The following GDAP1 variants were observed in gnomAD, a reference collection of about 807,000 sequenced individuals.
The protein encoded by GDAP1 is ganglioside induced differentiation associated protein 1.
GDAP1 carries 34 observed loss-of-function variants against 40.1 expected under a neutral mutation model. That is an observed-to-expected ratio of 0.85 (90% confidence interval 0.64 to 1.13). The LOEUF is 1.13. GDAP1 is among the 50% of genes most tolerant of loss of function. The pLI, the probability that GDAP1 is intolerant of heterozygous loss-of-function variation, is 0.00. For missense variants in GDAP1, 374 were observed against 433.7 expected (o/e 0.86, Z 1.22); for synonymous variants, 170 against 157.4 (o/e 1.08, Z -0.60).
At position 74,360,160 on chromosome 8, in the gene GDAP1, G is replaced by C. The variant is rs1317998401; in HGVS notation, c.334G>C (p.Asp112His). 1.2e-6 allele frequency: 2 copies of C among 1,613,470 alleles called. No individual in the cohort carries two copies. The highest frequency in any genetic ancestry group is 2.2e-5 in the South Asian group (2 of 91,062). Residue 112 changes from aspartate to histidine, a missense_variant, in exon 3 of 6, where the codon GAT becomes CAT. By Grantham distance (81) the Asp-to-His change is moderately conservative. Coordinates refer to ENST00000220822, the MANE Select transcript of GDAP1 (RefSeq NM_018972.4). ...AGAAAGAACACCCAGGTTAATGCCT[G>C]ATAAAGAAAGCATGTATTACCCACG... ...LDERTPRLMP[D>H]KESMYYPRVQ...
At chr8:74,466,846 T>C (rs938121909) in intron 2 of GDAP1, among the ~76,000 whole-genome samples, 61 of 151,870 alleles carry the variant, frequency 4.0e-4, no homozygotes, top group Non-Finnish European at 5.9e-4. Context: ...TCCAAGGGAG[T>C]TGGCTATAGA....
chr8:74,398,588 G>T (rs901065847), intron 2 of GDAP1, among the ~76,000 whole-genome samples: 1 of 152,128 alleles, frequency 6.6e-6, no homozygotes, highest in African/African-American at 2.4e-5. Flanking sequence ...ACACTATGTT[G>T]AATAGGAGTG....
At chr8:74,427,306 A>G (rs958136066) in intron 2 of GDAP1, among the ~76,000 whole-genome samples, 1 of 152,162 alleles carries the variant, frequency 6.6e-6, no homozygotes, top group African/African-American at 2.4e-5. Context: ...CAGCATAGAA[A>G]ATGCTCAGCT....
intron 2 of GDAP1, among the ~76,000 whole-genome samples, chr8:74,480,196 G>T (rs1490447172): frequency 6.6e-6 from 1 of 151,962 alleles, no homozygotes; most frequent in Non-Finnish European, 1.5e-5. Context: ...CACCATGTGA[G>T]CCAGGATGGT....
chr8:74,373,389 G>T (rs542174750), intron 2 of GDAP1, among the ~76,000 whole-genome samples: 1 of 152,304 alleles, frequency 6.6e-6, no homozygotes, highest in Non-Finnish European at 1.5e-5. Context: ...CTATCGATGA[G>T]CATGGAATGT....
At chr8:74,470,235 C>A (rs998480354) in intron 2 of GDAP1, among the ~76,000 whole-genome samples, 4 of 151,706 alleles carry the variant, frequency 2.6e-5, no homozygotes, top group Non-Finnish European at 5.9e-5. Flanking sequence ...TCCTCTGTTT[C>A]CTCTCTCCTT....
chr8:74,487,902 A>G (rs1806795706), intron 2 of GDAP1, among the ~76,000 whole-genome samples: 1 of 152,166 alleles, frequency 6.6e-6, no homozygotes, highest in Non-Finnish European at 1.5e-5. Flanking sequence ...GGACATTTCT[A>G]AGAAGTTACA....
intron 2 of GDAP1, among the ~76,000 whole-genome samples, chr8:74,354,146 A>G (rs1372051417): frequency 6.6e-6 from 1 of 152,188 alleles, no homozygotes; most frequent in Non-Finnish European, 1.5e-5. Flanking sequence ...TAGATTTCTC[A>G]TACCAGATTA....
intron 2 of GDAP1, among the ~76,000 whole-genome samples, chr8:74,458,179 G>C (rs1806359229): frequency 6.6e-6 from 1 of 151,734 alleles, no homozygotes; most frequent in Non-Finnish European, 1.5e-5. Context: ...TTATTGAGAT[G>C]GTGAATTCAA....
downstream of GDAP1, among the ~76,000 whole-genome samples, chr8:74,369,543 T>C (rs1809712925): frequency 6.6e-6 from 1 of 152,050 alleles, no homozygotes; most frequent in Non-Finnish European, 1.5e-5. Flanking sequence ...CTCAGGAACA[T>C]GTGGAAAATA....
intron 2 of GDAP1, among the ~76,000 whole-genome samples, chr8:74,395,662 G>T (rs1003689146): frequency 3.3e-5 from 5 of 152,146 alleles, no homozygotes; most frequent in African/African-American, 1.2e-4. Context: ...TGTCTGCAAT[G>T]CTGTGGAAAA....
chr8:74,468,984 G>T (rs550985639), intron 2 of GDAP1, among the ~76,000 whole-genome samples: 1 of 152,144 alleles, frequency 6.6e-6, no homozygotes, highest in East Asian at 1.9e-4. Flanking sequence ...GAATGATTTT[G>T]AATTTTGTCT....
At chr8:74,416,749 G>T (rs890670106) in intron 2 of GDAP1, among the ~76,000 whole-genome samples, 1 of 149,560 alleles carries the variant, frequency 6.7e-6, no homozygotes, top group Non-Finnish European at 1.5e-5. Flanking sequence ...TGGGCAGCTA[G>T]ACCCACAGGA....
intron 2 of GDAP1, among the ~76,000 whole-genome samples, chr8:74,375,805 A>G (rs1388990913): frequency 6.6e-6 from 1 of 152,236 alleles, no homozygotes; most frequent in African/African-American, 2.4e-5. Flanking sequence ...ACTAAAAGAA[A>G]TAAAAGGTAT....
intron 2 of GDAP1, among the ~76,000 whole-genome samples, chr8:74,375,113 G>A (rs1331865708): frequency 6.6e-6 from 1 of 152,114 alleles, no homozygotes; most frequent in Non-Finnish European, 1.5e-5. Flanking sequence ...GATCACTTGA[G>A]GTTAGGAGTT....
chr8:74,393,351 C>G (rs570843338), intron 2 of GDAP1, among the ~76,000 whole-genome samples: 6 of 152,246 alleles, frequency 3.9e-5, no homozygotes, highest in Non-Finnish European at 8.8e-5. Flanking sequence ...TCACTGTTTT[C>G]CTCTTCTTTT....
At chr8:74,470,911 AC>A (rs1249624529) in intron 2 of GDAP1, among the ~76,000 whole-genome samples, 1 of 151,990 alleles carries the variant, frequency 6.6e-6, no homozygotes, top group Non-Finnish European at 1.5e-5. Context: ...CCTCTCCAGC[AC>A]CTGTTTCCTG....
chr8:74,372,993 A>C (rs187847815), intron 2 of GDAP1, among the ~76,000 whole-genome samples: 2,285 of 152,304 alleles, frequency 0.015, 43 homozygotes, highest in African/African-American at 0.051. Context: ...ATGGCTAGCC[A>C]GTTTTCCCAG....
intron 2 of GDAP1, among the ~76,000 whole-genome samples, chr8:74,470,889 G>A (rs972989901): frequency 9.9e-5 from 15 of 152,232 alleles, no homozygotes; most frequent in African/African-American, 3.4e-4. Flanking sequence ...AAGTGTTCCT[G>A]TTTCTCCACA....
Sources: allele counts gnomAD v4.1 joint callset (sites outside exome capture counted in the v4.1 genomes callset), GRCh38; gene constraint gnomAD v4.1.1; transcripts MANE v1.5; gene names NCBI Gene and HGNC (gene_info 2026-07-23, HGNC 2026-07-21).